The following OR2L13 variants were observed in gnomAD, a reference collection of about 807,000 sequenced individuals.
OR2L13 encodes the protein olfactory receptor family 2 subfamily L member 13.
A neutral mutation model predicts 15.3 loss-of-function variants in OR2L13; 14 were observed. The ratio of observed to expected loss-of-function variants is 0.91; its 90% CI spans 0.60 to 1.43. The LOEUF (loss-of-function observed/expected upper bound fraction) is 1.43, where lower values mean the gene tolerates loss of function less well. OR2L13 is among the 40% of genes most tolerant of loss of function. The pLI, the probability that OR2L13 is intolerant of heterozygous loss-of-function variation, is 0.00. For synonymous variants in OR2L13, 152 were observed against 142.9 expected (o/e 1.06, Z -0.45); for missense variants, 367 against 387.9 (o/e 0.95, Z 0.45).
chr1:248,012,413 C>T, the OR2L13 span, among the ~76,000 whole-genome samples: 2 of 152,068 alleles, frequency 1.3e-5, no homozygotes, highest in African/African-American at 4.8e-5. Flanking sequence ...TTTACAGGAT[C>T]CCAGTGGGCA....
the OR2L13 span, chr1:247,990,798 C>G: frequency 1.9e-6 from 3 of 1,603,182 alleles, no homozygotes; most frequent in Non-Finnish European, 2.6e-6. Flanking sequence ...ATCATTTTTT[C>G]TGTGATGTTC....
At chr1:247,945,932 G>A in the OR2L13 span, among the ~76,000 whole-genome samples, 1 of 152,112 alleles carries the variant, frequency 6.6e-6, no homozygotes. Flanking sequence ...ACACCAATGG[G>A]TGACTTTGGG....
At chr1:248,074,423 A>G in the OR2L13 span, among the ~76,000 whole-genome samples, 1 of 152,160 alleles carries the variant, frequency 6.6e-6, no homozygotes, top group Non-Finnish European at 1.5e-5. Flanking sequence ...TTCATTGACG[A>G]TATGATTCTA....
the OR2L13 span, among the ~76,000 whole-genome samples, chr1:248,002,307 T>C: frequency 4.0e-5 from 6 of 151,862 alleles, no homozygotes; most frequent in East Asian, 1.2e-3. Context: ...AAGTGTAGAA[T>C]TCTGTGTCAT....
chr1:247,949,842 C>T, the OR2L13 span: 9 of 1,448,638 alleles, frequency 6.2e-6, no homozygotes, highest in Non-Finnish European at 8.6e-6. Context: ...CACATCCATT[C>T]AGCAGTGTAT....
At chr1:248,069,537 C>A in the OR2L13 span, among the ~76,000 whole-genome samples, 4 of 152,154 alleles carry the variant, frequency 2.6e-5, no homozygotes, top group Non-Finnish European at 5.9e-5. Context: ...ATTGTAAAGA[C>A]CATCGATGCT....
At chr1:248,026,210 A>G in the OR2L13 span, among the ~76,000 whole-genome samples, 72 of 152,356 alleles carry the variant, frequency 4.7e-4, no homozygotes, top group Non-Finnish European at 8.2e-4. Flanking sequence ...AAAGCCCTGG[A>G]TTATTCAAAC....
At chr1:247,954,870 G>A in the OR2L13 span, among the ~76,000 whole-genome samples, 1 of 151,958 alleles carries the variant, frequency 6.6e-6, no homozygotes, top group African/African-American at 2.4e-5. Context: ...TTACAATTAT[G>A]TATACAGTAC....
the OR2L13 span, chr1:247,949,064 C>G: frequency 6.2e-7 from 1 of 1,613,932 alleles, no homozygotes; most frequent in South Asian, 1.1e-5. Context: ...CCCTCATTGA[C>G]CTAAATTACA....
chr1:247,951,996 C>T, the OR2L13 span, among the ~76,000 whole-genome samples: 121,147 of 151,840 alleles, frequency 0.8, 52,507 homozygotes, highest in South Asian at 0.95. Flanking sequence ...TGTGTGTGCG[C>T]GCGTGCGCGC....
At chr1:247,997,565 C>A in the OR2L13 span, among the ~76,000 whole-genome samples, 1 of 152,044 alleles carries the variant, frequency 6.6e-6, no homozygotes, top group African/African-American at 2.4e-5. Flanking sequence ...ATAAACCAAA[C>A]TGAGAGAGAA....
the OR2L13 span, chr1:248,022,966 C>T: frequency 1.6e-6 from 2 of 1,276,122 alleles, no homozygotes; most frequent in South Asian, 1.5e-5. Flanking sequence ...AACATTATTA[C>T]ATGCCCAGTA....
chr1:248,088,924 A>G, the OR2L13 span, among the ~76,000 whole-genome samples: 5 of 152,160 alleles, frequency 3.3e-5, no homozygotes, highest in African/African-American at 1.2e-4. Flanking sequence ...TGTCTTTTCC[A>G]ATACCGCTTC....
the OR2L13 span, among the ~76,000 whole-genome samples, chr1:248,057,731 T>C: frequency 6.6e-6 from 1 of 152,218 alleles, no homozygotes; most frequent in East Asian, 1.9e-4. Flanking sequence ...AGGTTTATTC[T>C]TAAGTGTTTT....
chr1:248,039,733 C>T, the OR2L13 span: 2 of 152,022 alleles, frequency 1.3e-5, no homozygotes, highest in Non-Finnish European at 2.9e-5. Flanking sequence ...GTTTATCTCC[C>T]ATTATTATAA....
the OR2L13 span, among the ~76,000 whole-genome samples, chr1:248,084,951 A>G: frequency 6.6e-6 from 1 of 152,144 alleles, no homozygotes; most frequent in Non-Finnish European, 1.5e-5. Context: ...TACTCATTAT[A>G]GTTACTGCTA....
chr1:248,073,546 C>G, the OR2L13 span, among the ~76,000 whole-genome samples: 2 of 151,772 alleles, frequency 1.3e-5, no homozygotes, highest in African/African-American at 4.8e-5. Flanking sequence ...TTAATGGGTG[C>G]AGCACACCAG....
chr1:247,949,178 A>C, the OR2L13 span: 1 of 1,614,126 alleles, frequency 6.2e-7, no homozygotes, highest in Non-Finnish European at 8.5e-7. Context: ...TGGCATTAGG[A>C]GGTGCAGAAG....
upstream of OR2L13, among the ~76,000 whole-genome samples, chr1:248,096,455 C>T (rs1230901960): frequency 6.6e-6 from 1 of 151,578 alleles, no homozygotes; most frequent in Non-Finnish European, 1.5e-5. Flanking sequence ...GTTAGAGTTG[C>T]ACTATGTGCA....
Sources: gnomAD v4.1 joint callset for allele counts (sites outside exome capture counted in the v4.1 genomes callset) on GRCh38, gnomAD v4.1.1 for gene constraint, MANE v1.5 for transcripts, NCBI Gene and HGNC (gene_info 2026-07-23, HGNC 2026-07-21) for gene names.